MAGI2: variants seen among roughly 807,000 people sequenced by gnomAD.
MAGI2 encodes the protein membrane-associated guanylate kinase, WW and PDZ domain-containing protein 2.
Under a neutral mutation model 133.3 loss-of-function variants are expected in MAGI2, and 35 were observed. The observed-to-expected ratio is 0.26, with a 90% CI of 0.20 to 0.35. The LOEUF is 0.35. Among genes scored for constraint, MAGI2 ranks in the 10% least tolerant of loss-of-function variants. The pLI, the probability that MAGI2 is intolerant of heterozygous loss-of-function variation, is 1.00. For missense variants in MAGI2, 1,636 were observed against 1,863.4 expected (o/e 0.88, Z 2.25); for synonymous variants, 729 against 710.6 (o/e 1.03, Z -0.41).
chr7:78,275,854 T>A (rs61375577), intron 9 of MAGI2, among the ~76,000 whole-genome samples: 1 of 147,724 alleles, frequency 6.8e-6, no homozygotes, highest in Non-Finnish European at 1.5e-5. Flanking sequence ...TAGCTGACTG[T>A]AAATAAATCA....
At chr7:78,531,876 TTTTAA>T (rs1445973401) in intron 3 of MAGI2, among the ~76,000 whole-genome samples, 5 of 152,250 alleles carry the variant, frequency 3.3e-5, no homozygotes, top group Admixed American at 1.3e-4. Context: ...TTCTGATTAA[TTTTAA>T]TTTGATTGTT....
At chr7:78,274,567 C>A (rs1203599123) in intron 9 of MAGI2, among the ~76,000 whole-genome samples, 1 of 152,086 alleles carries the variant, frequency 6.6e-6, no homozygotes, top group Non-Finnish European at 1.5e-5. Context: ...TGCTCTGTCC[C>A]AGGGAGATGG....
chr7:79,035,717 CTTATA>C (rs1811066413), intron 1 of MAGI2, among the ~76,000 whole-genome samples: 1 of 152,070 alleles, frequency 6.6e-6, no homozygotes, highest in African/African-American at 2.4e-5. Flanking sequence ...CTATTAATTT[CTTATA>C]TTAAGACTTT....
chr7:78,032,015 T>G (rs1809637222), intron 21 of MAGI2, among the ~76,000 whole-genome samples: 1 of 150,832 alleles, frequency 6.6e-6, no homozygotes, highest in Non-Finnish European at 1.5e-5. Flanking sequence ...CCCACTTTTT[T>G]TTTTTTTTTT....
intron 1 of MAGI2, among the ~76,000 whole-genome samples, chr7:79,405,352 C>T (rs1259588343): frequency 6.6e-6 from 1 of 152,100 alleles, no homozygotes; most frequent in Non-Finnish European, 1.5e-5. Context: ...GAACCTTGTT[C>T]TTCCTTCTCT....
chr7:78,524,439 G>A (rs2150596231), intron 3 of MAGI2, among the ~76,000 whole-genome samples: 1 of 150,740 alleles, frequency 6.6e-6, no homozygotes, highest in East Asian at 1.9e-4. Flanking sequence ...CATAAAGTGA[G>A]CAAATATTCT....
intron 11 of MAGI2, among the ~76,000 whole-genome samples, chr7:78,198,297 T>C (rs1828909836): frequency 6.6e-6 from 1 of 152,118 alleles, no homozygotes; most frequent in African/African-American, 2.4e-5. Flanking sequence ...CTGTATCTCT[T>C]GGTGAATGAA....
chr7:79,033,109 T>C (rs10240536), intron 1 of MAGI2, among the ~76,000 whole-genome samples: 62,433 of 151,860 alleles, frequency 0.41, 13,865 homozygotes, highest in African/African-American at 0.59. Context: ...GTTCTATCTA[T>C]GGAACTCTTC....
In MAGI2 at chr7:78,167,962, G is replaced by A. The variant is rs1825770867; in HGVS notation, c.2550C>T (p.Arg850=). Residue 850 remains arginine, a synonymous_variant, in exon 15 of 22, where the codon CGC becomes CGT. Transcript: ENST00000354212. The part of the protein sequence containing the change: ...YVIDLMHHAA[R]NGQVNLTVRR... ...TCACAGTGAGGTTGACCTGCCCATT[G>A]CGGGCTGCGTGGTGCATGAGGTCGA... 6.2e-7 allele frequency: 1 copy of A among 1,613,976 alleles called. No homozygotes were observed. Among genetic ancestry groups the A allele is most frequent in the Non-Finnish European group, 8.5e-7 (1 of 1,180,010 alleles).
chr7:78,070,399 T>C (rs1814458695), intron 21 of MAGI2, among the ~76,000 whole-genome samples: 1 of 148,490 alleles, frequency 6.7e-6, no homozygotes, highest in Non-Finnish European at 1.5e-5. Flanking sequence ...AAGCCACCTT[T>C]TGCCCTATGT....
chr7:79,439,034 G>A (rs185059414), intron 1 of MAGI2, among the ~76,000 whole-genome samples: 13 of 151,884 alleles, frequency 8.6e-5, no homozygotes, highest in Admixed American at 4.6e-4. Context: ...AAAAATCCTC[G>A]GTTGCCTCCA....
intron 6 of MAGI2, among the ~76,000 whole-genome samples, chr7:78,427,032 A>G (rs1225869088): frequency 2.0e-5 from 3 of 152,220 alleles, no homozygotes; most frequent in African/African-American, 7.2e-5. Flanking sequence ...ACATGAAATA[A>G]TATAACATTA....
At chr7:78,942,463 T>A (rs1163984682) in intron 2 of MAGI2, among the ~76,000 whole-genome samples, 3 of 152,160 alleles carry the variant, frequency 2.0e-5, no homozygotes, top group African/African-American at 4.8e-5. Flanking sequence ...AACTTAGATA[T>A]AAATGGAATA....
intron 1 of MAGI2, among the ~76,000 whole-genome samples, chr7:79,383,709 T>A (rs1003711678): frequency 1.3e-5 from 2 of 151,540 alleles, no homozygotes; most frequent in Non-Finnish European, 3.0e-5. Context: ...AGGAAATCTG[T>A]TAATAGTAAA....
At chr7:78,247,234 T>C (rs1392614717) in intron 10 of MAGI2, among the ~76,000 whole-genome samples, 1 of 151,992 alleles carries the variant, frequency 6.6e-6, no homozygotes, top group Non-Finnish European at 1.5e-5. Context: ...CAATCTATGC[T>C]GCCACTGCTG....
At chr7:78,658,181 T>C (rs1449638806) in intron 2 of MAGI2, among the ~76,000 whole-genome samples, 2 of 152,204 alleles carry the variant, frequency 1.3e-5, no homozygotes, top group African/African-American at 2.4e-5. Context: ...AACAAAAATA[T>C]GTCCAATAAA....
At chr7:79,063,789 A>G (rs144660159) in intron 1 of MAGI2, among the ~76,000 whole-genome samples, 2 of 152,226 alleles carry the variant, frequency 1.3e-5, no homozygotes, top group African/African-American at 4.8e-5. Context: ...CTCTGCCAAT[A>G]AGCAACCACA....
At chr7:78,274,303 C>T (rs1162377499) in intron 9 of MAGI2, among the ~76,000 whole-genome samples, 2 of 152,176 alleles carry the variant, frequency 1.3e-5, no homozygotes, top group Non-Finnish European at 2.9e-5. Flanking sequence ...CTGTTCCTTC[C>T]TCTGGAAGCT....
chr7:78,741,626 T>C (rs1000797460), intron 2 of MAGI2, among the ~76,000 whole-genome samples: 44 of 152,292 alleles, frequency 2.9e-4, no homozygotes, highest in African/African-American at 8.9e-4. Context: ...TGTTCAGCAG[T>C]GAGGCTCTAG....
Sources: gnomAD v4.1 joint callset for allele counts (sites outside exome capture counted in the v4.1 genomes callset) on GRCh38, gnomAD v4.1.1 for gene constraint, MANE v1.5 for transcripts, NCBI Gene and HGNC (gene_info 2026-07-23, HGNC 2026-07-21) for gene names.